Variants in SUCO observed in about 807,000 individuals in gnomAD.
The protein encoded by SUCO is SUN domain containing ossification factor, also known as SUN domain-containing ossification factor.
SUCO carries 57 observed loss-of-function variants against 148.1 expected under a neutral mutation model. That is an observed-to-expected ratio of 0.38 (90% CI 0.31 to 0.48). The LOEUF is 0.48. SUCO is among the 20% of genes least tolerant of loss of function. SUCO has a pLI of 0.96. For missense variants in SUCO, 1,331 were observed against 1,468.2 expected (o/e 0.91, Z 1.53); for synonymous variants, 470 against 502.7 (o/e 0.93, Z 0.87).
rs112405178 is a variant in SUCO, at chr1:172,586,325, T to A, written c.1658+377T>A. Among the ~76,000 whole-genome samples, 6 of 152,220 alleles carry A rather than the reference T, an allele frequency of 3.9e-5. 1 individual carries two copies. The highest frequency in any genetic ancestry group is 1.4e-4 in the African/African-American group (6 of 41,550). ...AGTTTAAAAGCATTGATCTGTGGTA[T>A]CCCTAGAAAGCTACCAAAATACCTA... On this transcript the variant is annotated intron_variant, in intron 17 of 23. Coordinates refer to ENST00000263688, the MANE Select transcript of SUCO (RefSeq NM_014283.5).
chr1:172,556,066 G>A (rs758712373), intron 4 of SUCO, 43 bp downstream of exon 4: 78 of 1,501,656 alleles, frequency 5.2e-5, no homozygotes, highest in Non-Finnish European at 2.9e-5. Context: ...AATCTCCTTA[G>A]TTAGTGATAG....
At chr1:172,573,790 A>T in intron 9 of SUCO, 101 bp from the exon 10 acceptor site, 1 of 650,424 alleles carries the variant, frequency 1.5e-6, no homozygotes, top group Non-Finnish European at 2.6e-6. Flanking sequence ...TTAATGAGTA[A>T]CTCTTAATGG....
At chr1:172,608,717 A>T in intron 22 of SUCO, 30 bp from the exon 23 acceptor site, 1 of 1,406,646 alleles carries the variant, frequency 7.1e-7, no homozygotes, top group Non-Finnish European at 9.9e-7. Flanking sequence ...TTTACATTTT[A>T]CATCTGCTTT....
chr1:172,566,575 A>C (rs896267580), intron 6 of SUCO, among the ~76,000 whole-genome samples: 1 of 152,254 alleles, frequency 6.6e-6, no homozygotes, highest in African/African-American at 2.4e-5. Context: ...GCAGCAGCAG[A>C]AGTACTGCTC....
intron 22 of SUCO, among the ~76,000 whole-genome samples, chr1:172,607,873 A>G (rs1657963769): frequency 6.6e-6 from 1 of 151,974 alleles, no homozygotes; most frequent in African/African-American, 2.4e-5. Context: ...ATAATGTAAA[A>G]AATTATAATT....
intron 17 of SUCO, 140 bp from the exon 18 acceptor site, chr1:172,588,620 T>G: frequency 7.8e-7 from 1 of 1,276,046 alleles, no homozygotes; most frequent in Admixed American, 3.7e-5. Context: ...GTTTTGTAGG[T>G]GAAACATTTA....
chr1:172,571,631 C>T (rs1402297310), intron 9 of SUCO, among the ~76,000 whole-genome samples: 19 of 136,902 alleles, frequency 1.4e-4, no homozygotes, highest in African/African-American at 4.5e-4. Context: ...TCTTCCCTGC[C>T]GCCATCCCAT....
chr1:172,557,984 A>G (rs770582871), intron 6 of SUCO, among the ~76,000 whole-genome samples, 190 bp downstream of exon 6: 3 of 152,204 alleles, frequency 2.0e-5, no homozygotes, highest in Admixed American at 6.5e-5. Flanking sequence ...AGTGTTTATC[A>G]CATAAAGTTG....
Position 172,610,571 on chromosome 1 carries a change from TAAACC to T in SUCO, c.*313_*317del, listed in dbSNP as rs1340485189. On this transcript the variant is annotated 3_prime_UTR_variant, in exon 24 of 24. Transcript: ENST00000263688. Reference sequence around the variant, plus strand: ...CTTAGGTGGGATAGGAATGAAAGCCTAAACCTCTTCCTTTAGCTTTGTTCCTATTT... The same window carrying T: ...CTTAGGTGGGATAGGAATGAAAGCCTTCTTCCTTTAGCTTTGTTCCTATTT... 1 of 217,970 alleles carries T rather than the reference TAAACC, an allele frequency of 4.6e-6. No homozygotes were observed. The highest frequency in any genetic ancestry group is 8.9e-6 in the Non-Finnish European group (1 of 111,852). 13.5% of individuals were successfully genotyped at this position (217,970 alleles called of 1,614,324 possible).
rs1658033391 is a variant in SUCO, at chr1:172,608,952, A to G, written c.3321+150A>G. The G allele has an allele frequency of 2.0e-5, 13 of 657,970 alleles. No individual in the cohort carries two copies. In the South Asian group the frequency reaches 2.7e-4, roughly 14 times the overall value. The allele number at this position is 657,970 out of a possible 1,614,324, so 40.8% of individuals were successfully genotyped here. On this transcript the variant is annotated intron_variant, in intron 23 of 23. Transcript: ENST00000263688. ...GATAATGTTGTAAATAAATATTAACAGGGGTCAGCAAGCTGTGACCCACAG... is the reference window on the plus strand; with the variant it reads ...GATAATGTTGTAAATAAATATTAACGGGGGTCAGCAAGCTGTGACCCACAG...
In SUCO at chr1:172,584,499, G is replaced by A. The variant is rs138624286; in HGVS notation, c.1499-519G>A. On this transcript the variant is annotated intron_variant, in intron 15 of 23. Transcript: ENST00000263688. ...AAGAAAAGTATATTTAAGGCCAGGC[G>A]CGGTGGCTAACAGCTGTAATCCTAG... The A allele has an allele frequency of 3.0e-3, 692 of 227,148 alleles. 4 individuals carry two copies. The highest frequency in any genetic ancestry group is 0.018 in the South Asian group (113 of 6,220). The allele number at this position is 227,148 out of a possible 1,614,324, so 14.1% of individuals were successfully genotyped here.
intron 2 of SUCO, chr1:172,552,768 T>C (rs1653397998): frequency 3.0e-6 from 1 of 330,540 alleles, no homozygotes; most frequent in African/African-American, 2.2e-5. Context: ...AAGCAAAGCA[T>C]TAAGGGGGAA....
chr1:172,572,544 C>G (rs1558191623), intron 9 of SUCO, among the ~76,000 whole-genome samples: 1 of 151,448 alleles, frequency 6.6e-6, no homozygotes, highest in Non-Finnish European at 1.5e-5. Context: ...TCTCAAGTAC[C>G]CAGGGACACA....
intron 22 of SUCO, 130 bp from the exon 23 acceptor site, chr1:172,608,617 A>C: frequency 1.3e-6 from 1 of 741,916 alleles, no homozygotes. Context: ...AACCTGATAC[A>C]AATTCATTGG....
intron 19 of SUCO, among the ~76,000 whole-genome samples, chr1:172,598,564 C>T (rs148710903): frequency 3.3e-5 from 5 of 152,144 alleles, no homozygotes; most frequent in South Asian, 2.1e-4. Context: ...GACTCATGAA[C>T]GCAGTGTGTT....
intron 4 of SUCO, chr1:172,556,626 A>T (rs1416766387): frequency 1.0e-6 from 1 of 984,656 alleles, no homozygotes; most frequent in Non-Finnish European, 1.2e-6. Context: ...AATAACTGGT[A>T]CATAACTCAA....
Position 172,610,309 on chromosome 1 carries a change from A to G in SUCO, c.*50A>G, listed in dbSNP as rs143761287. The G allele has an allele frequency of 6.6e-7, 1 of 1,525,070 alleles. No homozygotes were observed. The highest frequency in any genetic ancestry group is 1.4e-5 in the African/African-American group (1 of 71,750). The allele number at this position is 1,525,070 out of a possible 1,614,324, so 94.5% of individuals were successfully genotyped here. A position where few individuals can be genotyped will look rare whatever the true frequency, so the allele number is the denominator to read the frequency against. On this transcript the variant is annotated 3_prime_UTR_variant, in exon 24 of 24. Transcript: ENST00000263688. ...AGACTTTTTTGTTGTTGTTCTTTGA[A>G]GAACAGTCTGTAGTATTTGAAGGGT...
chr1:172,553,414 C>T, intron 3 of SUCO, 44 bp downstream of exon 3: 2 of 1,387,804 alleles, frequency 1.4e-6, no homozygotes, highest in Non-Finnish European at 2.0e-6. Flanking sequence ...TCATTTCAAA[C>T]TACTTTACAA....
At chr1:172,546,061 G>A (rs925544939) in intron 1 of SUCO, among the ~76,000 whole-genome samples, 23 of 152,082 alleles carry the variant, frequency 1.5e-4, no homozygotes, top group Admixed American at 3.3e-4. Context: ...TCAGCCTCCT[G>A]AGTAGCTGGG....
Sources: gnomAD v4.1 joint callset for allele counts (sites outside exome capture counted in the v4.1 genomes callset) on GRCh38, gnomAD v4.1.1 for gene constraint, MANE v1.5 for transcripts, NCBI Gene and HGNC (gene_info 2026-07-23, HGNC 2026-07-21) for gene names.